SATB2: variants seen among roughly 807,000 people sequenced by gnomAD.
SATB2 encodes the protein DNA-binding protein SATB2.
Under a neutral mutation model 73.4 loss-of-function variants are expected in SATB2, and 1 was observed. That is an observed-to-expected ratio of 0.01 (90% CI 0.00 to 0.06). The LOEUF is 0.06. SATB2 is among the 10% of genes least tolerant of loss of function. SATB2 has a pLI of 1.00. For synonymous variants in SATB2, 397 were observed against 367.0 expected, an observed-to-expected ratio of 1.08 and a Z score of -0.93; for missense variants, 459 against 945.8, an observed-to-expected ratio of 0.49 and a Z score of 6.75.
chr2:199,306,923 T>C (rs1265811682), intron 10 of SATB2, among the ~76,000 whole-genome samples: 2 of 152,330 alleles, frequency 1.3e-5, no homozygotes, highest in Non-Finnish European at 2.9e-5. Context: ...TAAAATAAGC[T>C]GTGATTAATA....
rs1385967843 is a variant in SATB2 at position 199,463,601 on chromosome 2, G to A, written c.-141+1235C>T. ...GTGGGCTGAGGCCGAAACCTTCGGC[G>A]CCGGCTCTGCCGGTCGCGTCCCGGA... On this transcript the variant is annotated intron_variant, in intron 1 of 11. Coordinates refer to the SATB2 transcript ENST00000260926. The surrounding 1 kb of genome is among the most constrained non-coding windows in gnomAD (Gnocchi z 6.4). Among the ~76,000 whole-genome samples the A allele has an allele frequency of 6.6e-6, 1 of 152,200 alleles. No individual in the cohort carries two copies. Among genetic ancestry groups the A allele is most frequent in the African/African-American group, 2.4e-5 (1 of 41,456 alleles).
At chr2:199,458,412 T>A, upstream of SATB2, 1 of 374,486 alleles carries the variant, frequency 2.7e-6, no homozygotes, top group South Asian at 1.9e-5. Flanking sequence ...GACGAGGACC[T>A]CATGCACGAG....
At chr2:199,299,965 GT>G (rs975267137) in intron 10 of SATB2, among the ~76,000 whole-genome samples, 2 of 152,006 alleles carry the variant, frequency 1.3e-5, no homozygotes, top group Admixed American at 1.3e-4. Context: ...TATTGTTGTT[GT>G]TTTTTGTGGG....
In SATB2 at chr2:199,440,162, TAGAA is replaced by T. The variant is rs1280819937; in HGVS notation, c.170-6652_170-6649del. 2.0e-5 allele frequency among the ~76,000 whole-genome samples: 3 copies of T among 151,998 alleles called. No homozygotes were observed. The East Asian group carries it at 5.8e-4, about 29-fold the overall frequency. On this transcript the variant is annotated intron_variant, in intron 2 of 10. Transcript: ENST00000417098. ...GAGTGCCTAAAATTGCAACCATAAATAGAAAGAAAGAATAGGGTGTTTCTCACCT... is the reference window on the plus strand; with the variant it reads ...GAGTGCCTAAAATTGCAACCATAAATAGAAAGAATAGGGTGTTTCTCACCT...
At position 199,371,537 on chromosome 2, in the gene SATB2, C is replaced by T. The variant is rs561431729; in HGVS notation, c.598-2830G>A. ...ATCTTACAATCAATAGCATCTTAAA[C>T]CTGATAAGATACAGTTGATGCAGAA... On this transcript the variant is annotated intron_variant, in intron 5 of 10. Transcript: ENST00000417098. 1.1e-4 allele frequency among the ~76,000 whole-genome samples: 16 copies of T among 152,064 alleles called. No individual in the cohort carries two copies. In the South Asian group the frequency reaches 3.3e-3, roughly 32 times the overall value.
chr2:199,361,821 A>G (rs975424060), intron 6 of SATB2, among the ~76,000 whole-genome samples: 1 of 148,964 alleles, frequency 6.7e-6, no homozygotes, highest in Non-Finnish European at 1.5e-5. Context: ...GCAGTGGCGC[A>G]ATCTCAGCTC....
chr2:199,393,191 T>C (rs1690199550), intron 3 of SATB2, among the ~76,000 whole-genome samples: 1 of 152,158 alleles, frequency 6.6e-6, no homozygotes, highest in Non-Finnish European at 1.5e-5. Flanking sequence ...TATTCTTCAC[T>C]AGACTGTAAG....
At chr2:199,277,149 A>T (rs1230538422) in intron 10 of SATB2, among the ~76,000 whole-genome samples, 1 of 152,182 alleles carries the variant, frequency 6.6e-6, no homozygotes, top group African/African-American at 2.4e-5. Flanking sequence ...GCCTGCATTG[A>T]CAGATCCCAG....
upstream of SATB2, chr2:199,458,460 C>A: frequency 2.5e-6 from 1 of 394,200 alleles, no homozygotes; most frequent in Non-Finnish European, 5.0e-6. Flanking sequence ...GAGTGCGGCG[C>A]GAGGCGGTGG....
upstream of SATB2, chr2:199,460,320 A>G (rs558694802): frequency 1.3e-5 from 2 of 152,478 alleles, no homozygotes; most frequent in Admixed American, 1.3e-4. This position sits in a 1 kb window ranked among gnomAD's most constrained non-coding sequence, Gnocchi z 4.0. Flanking sequence ...TCAATCTGTA[A>G]TATGTCGAAA....
Position 199,463,501 on chromosome 2 carries a change from C to G in SATB2, c.-141+1335G>C, listed in dbSNP as rs1335513421. On this transcript the variant is annotated intron_variant, in intron 1 of 11. Transcript: ENST00000260926. This position sits in a 1 kb window ranked among gnomAD's most constrained non-coding sequence, Gnocchi z 6.4. The stretch of plus-strand genomic sequence containing the variant: ...AGGCCTCGGCTTGGCGTCAATGTCC[C>G]GCCACCCTCGAGCCCGGGTCACTGC... 6.6e-6 allele frequency among the ~76,000 whole-genome samples: 1 copy of G among 152,172 alleles called. No homozygotes were observed. Among genetic ancestry groups the G allele is most frequent in the Non-Finnish European group, 1.5e-5 (1 of 68,048 alleles).
rs1282909703 is a variant in SATB2, at chr2:199,433,589, C to T, written c.170-75G>A. The T allele has an allele frequency of 1.3e-5, 18 of 1,391,974 alleles. No individual in the cohort carries two copies. In the African/African-American group the frequency reaches 1.4e-4, roughly 11 times the overall value. The allele number at this position is 1,391,974 out of a possible 1,614,324, so 86.2% of individuals were successfully genotyped here. Reference sequence around the variant, plus strand: ...TCAGTCACCACGATGAGAAGGGAAGCAACAGTTATAAAAGTCAGTCATCTG... The same window carrying T: ...TCAGTCACCACGATGAGAAGGGAAGTAACAGTTATAAAAGTCAGTCATCTG... On this transcript the variant is annotated intron_variant, in intron 2 of 10. Transcript: ENST00000417098.
chr2:199,328,968 T>G, intron 7 of SATB2, 58 bp from the exon 8 acceptor site: 1 of 1,370,888 alleles, frequency 7.3e-7, no homozygotes, highest in South Asian at 1.2e-5. Flanking sequence ...ATGTGTGTGG[T>G]TTCTGTCTTC....
At chr2:199,410,423 T>C (rs774358865) in intron 3 of SATB2, among the ~76,000 whole-genome samples, 21 of 152,210 alleles carry the variant, frequency 1.4e-4, no homozygotes, top group Admixed American at 2.0e-4. Flanking sequence ...AAACTGATAT[T>C]ACTGATCACC....
At chr2:199,453,725 A>G (rs942319109) in intron 2 of SATB2, among the ~76,000 whole-genome samples, 1 of 152,056 alleles carries the variant, frequency 6.6e-6, no homozygotes, top group African/African-American at 2.4e-5. Flanking sequence ...TTAACATTCA[A>G]TTAGAAACCT....
chr2:199,431,532 T>C (rs1163145398), intron 3 of SATB2, among the ~76,000 whole-genome samples: 1 of 152,248 alleles, frequency 6.6e-6, no homozygotes, highest in Non-Finnish European at 1.5e-5. Context: ...TTTAGCATTT[T>C]AGCCTTAATA....
intron 10 of SATB2, among the ~76,000 whole-genome samples, chr2:199,280,913 T>C (rs1311955363): frequency 2.0e-5 from 3 of 152,156 alleles, no homozygotes; most frequent in African/African-American, 7.2e-5. Flanking sequence ...TATTCGTACA[T>C]TCCCTTGCCT....
intron 3 of SATB2, among the ~76,000 whole-genome samples, chr2:199,408,505 G>A (rs1426115601): frequency 2.0e-5 from 3 of 152,054 alleles, no homozygotes; most frequent in Non-Finnish European, 2.9e-5. Flanking sequence ...TCGTGTCAGA[G>A]GGACCATGAG....
At chr2:199,351,187 G>A (rs1183412571) in intron 6 of SATB2, among the ~76,000 whole-genome samples, 1 of 142,048 alleles carries the variant, frequency 7.0e-6, no homozygotes, top group Admixed American at 7.1e-5. Flanking sequence ...TTAAGACAGA[G>A]TTTCACTCTT....
Sources: gnomAD v4.1 joint callset for allele counts (sites outside exome capture counted in the v4.1 genomes callset) on GRCh38, gnomAD v4.1.1 for gene constraint, Gnocchi (gnomAD v3.1) non-coding constraint, MANE v1.5 for transcripts, NCBI Gene and HGNC (gene_info 2026-07-23, HGNC 2026-07-21) for gene names.